The following TSHZ2 variants were observed in gnomAD, a reference collection of about 807,000 sequenced individuals.
TSHZ2 encodes the protein teashirt zinc finger homeobox 2.
Under a neutral mutation model 74.4 loss-of-function variants are expected in TSHZ2, and 21 were observed. The observed-to-expected ratio is 0.28, with a 90% CI of 0.20 to 0.41. TSHZ2 has a LOEUF of 0.41. Ranked by LOEUF, TSHZ2 falls within the 10% of genes least tolerant of loss-of-function variation. The pLI, the probability that TSHZ2 is intolerant of heterozygous loss-of-function variation, is 1.00. For missense variants in TSHZ2, 1,244 were observed against 1,293.5 expected (o/e 0.96, Z 0.59); for synonymous variants, 540 against 515.3 (o/e 1.05, Z -0.65).
intron 1 of TSHZ2, among the ~76,000 whole-genome samples, chr20:53,163,891 T>A (rs1988005796): frequency 6.6e-6 from 1 of 152,234 alleles, no homozygotes; most frequent in Admixed American, 6.5e-5. Flanking sequence ...AATAATATGT[T>A]ACACAGCAAT....
intron 1 of TSHZ2, among the ~76,000 whole-genome samples, chr20:53,006,514 A>G (rs1982652078): frequency 1.3e-5 from 2 of 152,226 alleles, no homozygotes; most frequent in Admixed American, 1.3e-4. Flanking sequence ...GGAGTGCTGC[A>G]AGCCCCAGTC....
intron 1 of TSHZ2, among the ~76,000 whole-genome samples, chr20:53,080,158 T>G (rs915301305): frequency 2.0e-5 from 3 of 152,210 alleles, no homozygotes; most frequent in Admixed American, 6.5e-5. Context: ...GAGAGCCTTA[T>G]GTATGTGTTT....
chr20:53,065,616 A>AC (rs1184104656), intron 1 of TSHZ2, among the ~76,000 whole-genome samples: 1 of 151,946 alleles, frequency 6.6e-6, no homozygotes, highest in African/African-American at 2.4e-5. Flanking sequence ...TCCTGTCCCC[A>AC]CCCCTGGGGA....
chr20:53,332,698 G>A (rs1249867680), intron 2 of TSHZ2, among the ~76,000 whole-genome samples: 1 of 152,156 alleles, frequency 6.6e-6, no homozygotes, highest in Non-Finnish European at 1.5e-5. Flanking sequence ...AGATTCAGGA[G>A]GAATCAGCTT....
chr20:53,298,838 G>A (rs1801165596), intron 2 of TSHZ2, among the ~76,000 whole-genome samples: 1 of 152,182 alleles, frequency 6.6e-6, no homozygotes, highest in Non-Finnish European at 1.5e-5. Flanking sequence ...AAAGAGATTG[G>A]TCACAAATAA....
chr20:52,987,563 G>A (rs1422526469), intron 1 of TSHZ2, among the ~76,000 whole-genome samples: 1 of 144,564 alleles, frequency 6.9e-6, no homozygotes, highest in East Asian at 2.0e-4. Flanking sequence ...CCCCCAAAAT[G>A]CCAAAGCACT....
chr20:53,279,310 C>G (rs1404536030), intron 2 of TSHZ2, among the ~76,000 whole-genome samples: 1 of 152,182 alleles, frequency 6.6e-6, no homozygotes, highest in Non-Finnish European at 1.5e-5. Context: ...TAGATTATAT[C>G]CCAGTGAATG....
At chr20:53,460,132 G>C (rs2145808971) in intron 2 of TSHZ2, among the ~76,000 whole-genome samples, 1 of 152,020 alleles carries the variant, frequency 6.6e-6, no homozygotes, top group Admixed American at 6.5e-5. Context: ...AGTTCTCCTG[G>C]ATAATATCCT....
intron 1 of TSHZ2, among the ~76,000 whole-genome samples, chr20:53,014,927 A>G (rs1982981404): frequency 6.6e-6 from 1 of 152,074 alleles, no homozygotes; most frequent in African/African-American, 2.4e-5. Flanking sequence ...TAAAACTCCC[A>G]ATAACTTCCC....
At chr20:53,398,192 A>G (rs1982526993) in intron 2 of TSHZ2, 1 of 152,170 alleles carries the variant, frequency 6.6e-6, no homozygotes, top group Non-Finnish European at 1.5e-5. Context: ...ATCCAGGAAG[A>G]CTGGATGACT....
At chr20:53,082,840 A>G (rs1046123996) in intron 1 of TSHZ2, among the ~76,000 whole-genome samples, 1 of 152,240 alleles carries the variant, frequency 6.6e-6, no homozygotes, top group Admixed American at 6.5e-5. Flanking sequence ...GTAATTCCTG[A>G]GAAACTGTCC....
intron 2 of TSHZ2, among the ~76,000 whole-genome samples, chr20:53,268,020 G>A (rs184058250): frequency 1.3e-5 from 2 of 152,260 alleles, no homozygotes; most frequent in East Asian, 3.9e-4. Flanking sequence ...TTCTGGTGAA[G>A]CAAAGCAAAG....
chr20:53,191,191 G>C (rs562396629), intron 1 of TSHZ2, among the ~76,000 whole-genome samples: 19 of 151,812 alleles, frequency 1.3e-4, no homozygotes, highest in African/African-American at 4.4e-4. Context: ...ACATTATTAC[G>C]TATTGTATTG....
chr20:53,113,524 A>C (rs759732500), intron 1 of TSHZ2, among the ~76,000 whole-genome samples: 3 of 152,206 alleles, frequency 2.0e-5, no homozygotes, highest in African/African-American at 7.2e-5. Flanking sequence ...GTGTGTTGGC[A>C]TGTATCTGGC....
intron 1 of TSHZ2, among the ~76,000 whole-genome samples, chr20:53,072,268 A>G (rs1438447815): frequency 6.6e-6 from 1 of 152,166 alleles, no homozygotes; most frequent in South Asian, 2.1e-4. Flanking sequence ...AAAGGGATGC[A>G]TCCCATGTTT....
At chr20:53,331,084 G>A (rs1979704010) in intron 2 of TSHZ2, among the ~76,000 whole-genome samples, 1 of 152,194 alleles carries the variant, frequency 6.6e-6, no homozygotes, top group Non-Finnish European at 1.5e-5. Flanking sequence ...TGTCTATGCG[G>A]GATTTGGATG....
chr20:53,160,507 G>T (rs1987904374), intron 1 of TSHZ2, among the ~76,000 whole-genome samples: 1 of 152,128 alleles, frequency 6.6e-6, no homozygotes, highest in African/African-American at 2.4e-5. Flanking sequence ...AGTGGCTCAT[G>T]CCTGTAATTC....
intron 1 of TSHZ2, among the ~76,000 whole-genome samples, chr20:53,116,550 T>G (rs1222447053): frequency 6.6e-6 from 1 of 152,120 alleles, no homozygotes; most frequent in African/African-American, 2.4e-5. Context: ...CTCAAGACAT[T>G]TTGCACAATT....
At chr20:53,182,156 TCTTCCTTTTCTTTCTTTCTTC>T (rs146744669) in intron 1 of TSHZ2, among the ~76,000 whole-genome samples, 7,420 of 138,710 alleles carry the variant, frequency 0.053, 260 homozygotes, top group East Asian at 0.063. Context: ...TCCCTCCCTC[TCTTCCTTTTCTTTCTTTCTTC>T]CTTCCTTTTC....
Sources: allele counts gnomAD v4.1 joint callset (sites outside exome capture counted in the v4.1 genomes callset), GRCh38; gene constraint gnomAD v4.1.1; transcripts MANE v1.5; gene names NCBI Gene and HGNC (gene_info 2026-07-23, HGNC 2026-07-21).